LRRC47: variants seen among roughly 807,000 people sequenced by gnomAD.
The protein encoded by LRRC47 is leucine-rich repeat-containing protein 47.
In LRRC47, 31 loss-of-function variants were observed where a neutral mutation model predicts 40.9. The ratio of observed to expected loss-of-function variants is 0.76; its 90% confidence interval spans 0.57 to 1.02. The LOEUF is 1.02. LRRC47 is among the 50% of genes least tolerant of loss of function. LRRC47 has a pLI of 0.00. For synonymous variants in LRRC47, 427 were observed against 371.9 expected (o/e 1.15, Z -1.70); for missense variants, 726 against 796.1 (o/e 0.91, Z 1.06).
Position 3,787,286 on chromosome 1 carries a change from G to A in LRRC47, c.640C>T (p.Leu214=). Residue 214 remains leucine (L), a synonymous_variant, in exon 2 of 7, where the codon CTG becomes TTG. Transcript: ENST00000378251. ...GCAAGCTCTGCAGGGATCTCGCTCA[G>A]CTGGTTGTTCGAGAGGTCCAACGTC... ...LKTLDLSNNQ[L]SEIPAELADC... is the part of the protein sequence containing the mutation. 1 of 1,612,454 alleles carries A rather than the reference G, an allele frequency of 6.2e-7. No individual in the cohort carries two copies. The highest frequency in any genetic ancestry group is 8.5e-7 in the Non-Finnish European group (1 of 1,179,864).
chr1:3,796,026 A>T lies in LRRC47; in HGVS notation c.451T>A (p.Cys151Ser), dbSNP rs913878056. The T allele has an allele frequency of 7.1e-6, 11 of 1,548,378 alleles. No homozygotes were observed. The highest frequency in any genetic ancestry group is 9.6e-6 in the Non-Finnish European group (11 of 1,148,794). ...LRELPADLAR[C>S]APRLQSLNLT... ...TTGAGGCTCTGCAGGCGCGGGGCGC[A>T]GCGCGCCAGGTCGGCTGGCAGCTCG... Residue 151 changes from cysteine to serine, a missense_variant, in exon 1 of 7, where the codon TGC (cysteine) becomes AGC (serine). By Grantham distance (112) the Cys-to-Ser change is moderately radical (BLOSUM62 -1). Transcript: ENST00000378251.
chr1:3,784,918 C>G (rs752778086), intron 3 of LRRC47, 169 bp downstream of exon 3: 1 of 407,820 alleles, frequency 2.5e-6, no homozygotes, highest in Non-Finnish European at 4.4e-6. Flanking sequence ...TCGCTTCAAC[C>G]CAGGAGGCAG....
At chr1:3,791,742 C>T (rs1040173137) in intron 1 of LRRC47, among the ~76,000 whole-genome samples, 1 of 151,984 alleles carries the variant, frequency 6.6e-6, no homozygotes, top group African/African-American at 2.4e-5. Flanking sequence ...AGGCATGAGC[C>T]ACCGCACCCG....
chr1:3,784,927 A>C, intron 3 of LRRC47, 160 bp downstream of exon 3: 1 of 412,690 alleles, frequency 2.4e-6, no homozygotes, highest in East Asian at 5.0e-5. Context: ...CCCAGGAGGC[A>C]GAGGCTGCAG....
rs776285454 is a variant in LRRC47, at chr1:3,782,754, G to C, written c.1320C>G (p.His440Gln). Residue 440 changes from histidine to glutamine, a missense_variant, in exon 5 of 7, where the codon CAC becomes CAG. By Grantham distance (24) the His-to-Gln change is conservative. Transcript: ENST00000378251. ...QSVSGLHRYL[H>Q]LLDGNENYPC... is the part of the protein sequence containing the mutation. The stretch of plus-strand genomic sequence containing the variant: ...GGTAATTTTCATTTCCATCCAGCAA[G>C]TGAAGGTATCTGTATGGGAAGAAAT... The C allele has an allele frequency of 8.2e-6, 13 of 1,593,638 alleles. No homozygotes were observed. Among genetic ancestry groups the C allele is most frequent in the Non-Finnish European group, 1.1e-5 (13 of 1,161,290 alleles).
intron 1 of LRRC47, among the ~76,000 whole-genome samples, chr1:3,795,263 G>C (rs948904783): frequency 6.6e-6 from 1 of 152,084 alleles, no homozygotes; most frequent in Admixed American, 6.6e-5. Flanking sequence ...GCATTATCGC[G>C]GGGCCTGGGG....
chr1:3,787,325 A>G lies in LRRC47; in HGVS notation c.616-15T>C. The G allele has an allele frequency of 6.2e-7, 1 of 1,600,456 alleles. No homozygotes were observed. ...AGGTCCAACGTCTGCAAAGAGAAAC[A>G]TGGACGCGTCAGACGCCCGGACTCT... On this transcript the variant is annotated splice_polypyrimidine_tract_variant and intron_variant, in intron 1 of 6. Coordinates refer to ENST00000378251, the MANE Select transcript of LRRC47 (RefSeq NM_020710.3).
At position 3,787,086 on chromosome 1, in the gene LRRC47, G is replaced by A; in HGVS notation, c.840C>T (p.Ser280=). 1 of 1,613,730 alleles carries A rather than the reference G, an allele frequency of 6.2e-7. No homozygotes were observed. Among genetic ancestry groups the A allele is most frequent in the Non-Finnish European group, 8.5e-7 (1 of 1,179,964 alleles). ...GRAEGSEKEE[S]RRKRRERKQR... Reference sequence around the variant, plus strand: ...GCTTCCTCTCCCTCCTCTTCCTCCGGCTCTCTTCCTTCTCCGAGCCCTCGG... The same window carrying A: ...GCTTCCTCTCCCTCCTCTTCCTCCGACTCTCTTCCTTCTCCGAGCCCTCGG... The change falls in exon 2 of 7, where the codon AGC becomes AGT. Residue 280 remains serine (S), a synonymous_variant. Transcript: ENST00000378251.
intron 2 of LRRC47, among the ~76,000 whole-genome samples, chr1:3,786,251 A>C (rs936431066): frequency 6.6e-6 from 1 of 152,224 alleles, no homozygotes; most frequent in Non-Finnish European, 1.5e-5. Context: ...TAATCCCCAC[A>C]CTTTGGGAGG....
At chr1:3,782,827 G>T in intron 4 of LRRC47, 64 bp from the exon 5 acceptor site, 1 of 1,027,862 alleles carries the variant, frequency 9.7e-7, no homozygotes, top group South Asian at 1.3e-5. Context: ...TGGGTGTGGT[G>T]GCATGTGCCT....
At chr1:3,793,670 T>G (rs555056746) in intron 1 of LRRC47, among the ~76,000 whole-genome samples, 1 of 152,318 alleles carries the variant, frequency 6.6e-6, no homozygotes, top group East Asian at 1.9e-4. Context: ...ACCGGCCTTC[T>G]GAGCTGTGTC....
intron 1 of LRRC47, among the ~76,000 whole-genome samples, chr1:3,795,378 G>C (rs1230060231): frequency 1.3e-5 from 2 of 152,196 alleles, no homozygotes; most frequent in Admixed American, 6.5e-5. Flanking sequence ...CTGTAAAACA[G>C]GAATAACCAC....
chr1:3,782,513 T>TG, intron 5 of LRRC47, 148 bp downstream of exon 5: 1 of 631,756 alleles, frequency 1.6e-6, no homozygotes, highest in South Asian at 1.9e-5. Flanking sequence ...AGGCTGGTCT[T>TG]GAACTCCTGA....
chr1:3,790,504 A>G (rs1162046053), intron 1 of LRRC47, among the ~76,000 whole-genome samples: 1 of 152,200 alleles, frequency 6.6e-6, no homozygotes, highest in Non-Finnish European at 1.5e-5. Flanking sequence ...ATGGCCACTT[A>G]CAATGCAGTC....
At chr1:3,795,054 A>G (rs1012982401) in intron 1 of LRRC47, among the ~76,000 whole-genome samples, 39 of 68,124 alleles carry the variant, frequency 5.7e-4, no homozygotes, top group Middle Eastern at 6.4e-3. Context: ...ACTACATCTC[A>G]AAAAAAAAAA....
Position 3,795,865 on chromosome 1 carries a change from G to C in LRRC47, c.612C>G (p.Leu204=). The C allele has an allele frequency of 1.9e-6, 3 of 1,584,580 alleles. No homozygotes were observed. The South Asian group carries it at 3.4e-5, about 18-fold the overall frequency. ...LSPDIAHLAS[L]KTLDLSNNQL... The stretch of plus-strand genomic sequence containing the variant: ...CGCCCGGGCAGCCCCCGCTGACCTT[G>C]AGCGAGGCCAGGTGGGCGATGTCGG... The change falls in exon 1 of 7, where the codon CTC becomes CTG. Residue 204 remains leucine (L), a synonymous_variant. Coordinates refer to ENST00000378251, the MANE Select transcript of LRRC47 (RefSeq NM_020710.3).
rs1428357113 is a variant in LRRC47, at chr1:3,780,989, A to G, written c.*99T>C. On this transcript the variant is annotated 3_prime_UTR_variant, in exon 7 of 7. Coordinates refer to ENST00000378251, the MANE Select transcript of LRRC47 (RefSeq NM_020710.3). ...GACTCCATCTCAAAAAAAAAAACCA[A>G]CAAAAAAACTGGGGTGAAAATCTAA... 4 of 1,523,490 alleles carry G rather than the reference A, an allele frequency of 2.6e-6. No individual in the cohort carries two copies. The African/African-American group carries it at 5.6e-5, about 21-fold the overall frequency. 94.4% of individuals were successfully genotyped at this position (1,523,490 alleles called of 1,614,324 possible). A position where few individuals can be genotyped will look rare whatever the true frequency, so the allele number is the denominator to read the frequency against.
At position 3,793,923 on chromosome 1, in the gene LRRC47, G is replaced by A. The variant is rs201093010; in HGVS notation, c.615+1939C>T. 3.3e-5 allele frequency among the ~76,000 whole-genome samples: 5 copies of A among 152,284 alleles called. No individual in the cohort carries two copies. The East Asian group carries it at 9.6e-4, about 29-fold the overall frequency. On this transcript the variant is annotated intron_variant, in intron 1 of 6. Transcript: ENST00000378251. Reference sequence around the variant, plus strand: ...ATTTAGTAATAAAACTCGGCCGGGCGCGGTGGCTCATGCCTGTAATCTCAG... The same window carrying A: ...ATTTAGTAATAAAACTCGGCCGGGCACGGTGGCTCATGCCTGTAATCTCAG...
rs1278316982 is a variant in LRRC47, at chr1:3,778,696, G to A, written c.*2392C>T. 6.5e-6 allele frequency: 1 copy of A among 152,728 alleles called. No homozygotes were observed. The highest frequency in any genetic ancestry group is 1.5e-5 in the Non-Finnish European group (1 of 68,190). The allele number at this position is 152,728 out of a possible 1,614,324, so 9.5% of individuals were successfully genotyped here. ...GCTGCATCAGGAAAGGGCACAGCAT[G>A]TGGCAGCCTCATCCACACCCACGCA... On this transcript the variant is annotated 3_prime_UTR_variant, in exon 7 of 7. Transcript: ENST00000378251.
Sources: gnomAD v4.1 joint callset for allele counts (sites outside exome capture counted in the v4.1 genomes callset) on GRCh38, gnomAD v4.1.1 for gene constraint, MANE v1.5 for transcripts, NCBI Gene and HGNC (gene_info 2026-07-23, HGNC 2026-07-21) for gene names.